Variants in EPB41L3 observed in about 807,000 individuals in gnomAD.
The protein encoded by EPB41L3 is band 4.1-like protein 3.
Under a neutral mutation model 127.1 loss-of-function variants are expected in EPB41L3, and 57 were observed. The ratio of observed to expected loss-of-function variants is 0.45; its 90% CI spans 0.36 to 0.56. EPB41L3 has a LOEUF of 0.56. EPB41L3 is among the 20% of genes least tolerant of loss of function. EPB41L3 has a pLI of 0.00. For missense variants in EPB41L3, 1,273 were observed against 1,372.2 expected (o/e 0.93, Z 1.14); for synonymous variants, 572 against 549.5 (o/e 1.04, Z -0.57).
At chr18:5,426,006 T>C (rs929553261) in intron 9 of EPB41L3, among the ~76,000 whole-genome samples, 1 of 152,186 alleles carries the variant, frequency 6.6e-6, no homozygotes, top group Admixed American at 6.5e-5. Context: ...AGCTAACCAC[T>C]TTCCTCTGAA....
chr18:5,532,361 C>T (rs1219421235), intron 1 of EPB41L3, among the ~76,000 whole-genome samples: 1 of 152,116 alleles, frequency 6.6e-6, no homozygotes, highest in African/African-American at 2.4e-5. Context: ...ACAAGCATTC[C>T]GTAAGTATTT....
intron 8 of EPB41L3, among the ~76,000 whole-genome samples, chr18:5,430,058 G>A (rs1222777198): frequency 1.3e-5 from 2 of 152,154 alleles, no homozygotes; most frequent in East Asian, 1.9e-4. Context: ...AAGGACATTC[G>A]AAACCTTTTC....
At chr18:5,498,465 G>A (rs928414253) in intron 1 of EPB41L3, among the ~76,000 whole-genome samples, 1 of 151,766 alleles carries the variant, frequency 6.6e-6, no homozygotes, top group Non-Finnish European at 1.5e-5. Context: ...GTGGTCACGG[G>A]CACCTGTAAT....
chr18:5,522,997 G>A lies in EPB41L3; in HGVS notation c.-12+20916C>T, dbSNP rs994317916. 1.1e-4 allele frequency among the ~76,000 whole-genome samples: 17 copies of A among 152,232 alleles called. No individual in the cohort carries two copies. In the East Asian group the frequency reaches 3.1e-3, roughly 28 times the overall value. ...ACTGAGCTGGTATTATATGTAGAGAGTACATAAAAAATATTTTAGCAATGA... is the reference window on the plus strand; with the variant it reads ...ACTGAGCTGGTATTATATGTAGAGAATACATAAAAAATATTTTAGCAATGA... On this transcript the variant is annotated intron_variant, in intron 1 of 22. Coordinates refer to ENST00000341928, the MANE Select transcript of EPB41L3 (RefSeq NM_012307.5).
chr18:5,405,560 G>A (rs2075238245), intron 16 of EPB41L3, among the ~76,000 whole-genome samples: 2 of 152,032 alleles, frequency 1.3e-5, no homozygotes, highest in South Asian at 4.2e-4. Flanking sequence ...GGAGGCTGAG[G>A]TGGTGAATCT....
intron 1 of EPB41L3, among the ~76,000 whole-genome samples, chr18:5,531,383 A>G (rs1287472371): frequency 1.3e-5 from 2 of 152,200 alleles, no homozygotes; most frequent in Non-Finnish European, 2.9e-5. Context: ...AGATAGATCC[A>G]GGTTTTTTAA....
intron 19 of EPB41L3, 55 bp downstream of exon 19, chr18:5,396,146 G>A: frequency 6.2e-7 from 1 of 1,600,712 alleles, no homozygotes; most frequent in East Asian, 2.2e-5. Context: ...AACACACTAG[G>A]CCATAGAGGG....
intron 3 of EPB41L3, among the ~76,000 whole-genome samples, chr18:5,549,432 C>A (rs1414454468): frequency 6.6e-6 from 1 of 152,174 alleles, no homozygotes; most frequent in Non-Finnish European, 1.5e-5. Flanking sequence ...CTAACACTTT[C>A]CTATGCAAGA....
chr18:5,613,306 C>A (rs752717067), intron 2 of EPB41L3, among the ~76,000 whole-genome samples: 2 of 152,166 alleles, frequency 1.3e-5, no homozygotes, highest in Non-Finnish European at 2.9e-5. Context: ...CATAAAAGAC[C>A]TTTGAGAAAC....
intron 3 of EPB41L3, among the ~76,000 whole-genome samples, chr18:5,460,022 C>T (rs1438511689): frequency 2.6e-5 from 4 of 152,116 alleles, no homozygotes; most frequent in East Asian, 3.9e-4. Flanking sequence ...GCATAGTATC[C>T]AATAGGTCAT....
At chr18:5,401,144 C>T in intron 16 of EPB41L3, 1 of 584,470 alleles carries the variant, frequency 1.7e-6, no homozygotes, top group Non-Finnish European at 3.0e-6. Context: ...CTCTATCTAT[C>T]TATCATCTCA....
At chr18:5,420,830 T>A (rs1186126593) in intron 11 of EPB41L3, among the ~76,000 whole-genome samples, 4 of 152,232 alleles carry the variant, frequency 2.6e-5, no homozygotes, top group Admixed American at 2.6e-4. Flanking sequence ...ATTATTATTT[T>A]AGGAATTTAA....
At chr18:5,441,444 T>TA (rs2080711999) in intron 5 of EPB41L3, among the ~76,000 whole-genome samples, 1 of 150,124 alleles carries the variant, frequency 6.7e-6, no homozygotes, top group African/African-American at 2.4e-5. Context: ...AGAATACAGG[T>TA]AAAAATATCG....
At position 5,543,112 on chromosome 18, in the gene EPB41L3, C is replaced by A. The variant is rs1024868686; in HGVS notation, c.-12+801G>T. Among the ~76,000 whole-genome samples the A allele has an allele frequency of 6.6e-6, 1 of 151,524 alleles. No individual in the cohort carries two copies. The highest frequency in any genetic ancestry group is 1.5e-5 in the Non-Finnish European group (1 of 67,826). On this transcript the variant is annotated intron_variant, in intron 1 of 22. Coordinates refer to ENST00000341928, the MANE Select transcript of EPB41L3 (RefSeq NM_012307.5). The surrounding 1 kb of genome is among the most constrained non-coding windows in gnomAD (Gnocchi z 5.2). ...GCCACGGCAGGCCGACCCAGGCGCC[C>A]CCGGCCCGCCCGTGCTCCCGCGCCC...
intron 1 of EPB41L3, among the ~76,000 whole-genome samples, chr18:5,539,335 T>C (rs1056003504): frequency 6.6e-6 from 1 of 152,114 alleles, no homozygotes; most frequent in Non-Finnish European, 1.5e-5. Context: ...AATCTAAAAA[T>C]TAAGTTGTCA....
rs943552220 is a variant in EPB41L3, at chr18:5,452,763, A to G, written c.382-7519T>C. ...GCTATGAATACAATATAAGAAAACC[A>G]GAAATGTTTAAAAATTTGTTGTGTG... is the stretch of plus-strand genomic sequence containing the variant. On this transcript the variant is annotated intron_variant, in intron 3 of 22. Transcript: ENST00000341928. 2.7e-5 allele frequency among the ~76,000 whole-genome samples: 4 copies of G among 149,270 alleles called. No individual in the cohort carries two copies. In the East Asian group the frequency reaches 8.0e-4, roughly 30 times the overall value.
upstream of EPB41L3, among the ~76,000 whole-genome samples, chr18:5,545,664 G>A (rs1056784908): frequency 6.6e-6 from 1 of 152,128 alleles, no homozygotes; most frequent in African/African-American, 2.4e-5. Flanking sequence ...TAGAACAGAT[G>A]GGCAAATACC....
At chr18:5,402,938 T>G (rs548696972) in intron 16 of EPB41L3, among the ~76,000 whole-genome samples, 1 of 152,324 alleles carries the variant, frequency 6.6e-6, no homozygotes, top group African/African-American at 2.4e-5. Flanking sequence ...AGTAATCATC[T>G]AGCTCAAGGA....
At chr18:5,447,448 CT>C (rs10694622) in intron 3 of EPB41L3, among the ~76,000 whole-genome samples, 5,434 of 113,986 alleles carry the variant, frequency 0.048, 255 homozygotes, top group East Asian at 0.14. Flanking sequence ...AGCTAGACTA[CT>C]TTTTTTTTTT....
Sources: gnomAD v4.1 joint callset for allele counts (sites outside exome capture counted in the v4.1 genomes callset) on GRCh38, gnomAD v4.1.1 for gene constraint, Gnocchi (gnomAD v3.1) non-coding constraint, MANE v1.5 for transcripts, NCBI Gene and HGNC (gene_info 2026-07-23, HGNC 2026-07-21) for gene names.